DOCK3: variants seen among roughly 807,000 people sequenced by gnomAD.
The protein encoded by DOCK3 is dedicator of cytokinesis 3, also known as dedicator of cytokinesis protein 3.
Under a neutral mutation model 265.6 loss-of-function variants are expected in DOCK3, and 60 were observed. The ratio of observed to expected loss-of-function variants is 0.23; its 90% CI spans 0.18 to 0.28. The LOEUF (loss-of-function observed/expected upper bound fraction) is 0.28, where lower values mean the gene tolerates loss of function less well. DOCK3 is among the 10% of genes least tolerant of loss of function. DOCK3 has a pLI of 1.00. For missense variants in DOCK3, 1,981 were observed against 2,594.3 expected (o/e 0.76, Z 5.14); for synonymous variants, 881 against 938.0 (o/e 0.94, Z 1.11).
At chr3:51,027,998 G>A (rs994408288) in intron 5 of DOCK3, among the ~76,000 whole-genome samples, 7 of 152,046 alleles carry the variant, frequency 4.6e-5, no homozygotes, top group African/African-American at 7.2e-5. Context: ...TAGTTACTTT[G>A]TAGGCTGGAA....
intron 5 of DOCK3, among the ~76,000 whole-genome samples, chr3:51,013,719 A>G (rs2079041358): frequency 6.6e-6 from 1 of 152,110 alleles, no homozygotes. Flanking sequence ...TTAGACAGGG[A>G]CGTTTAAGTC....
intron 4 of DOCK3, among the ~76,000 whole-genome samples, chr3:50,921,543 T>C (rs900743646): frequency 2.0e-5 from 3 of 152,240 alleles, no homozygotes; most frequent in African/African-American, 7.2e-5. Context: ...GTCTCAAACC[T>C]TCTTCTCTCA....
intron 3 of DOCK3, among the ~76,000 whole-genome samples, chr3:50,850,308 G>T (rs987000493): frequency 1.3e-5 from 2 of 149,506 alleles, no homozygotes; most frequent in Non-Finnish European, 3.0e-5. Context: ...TGCAGTGAGC[G>T]AAGATTGTGC....
intron 28 of DOCK3, among the ~76,000 whole-genome samples, chr3:51,311,617 T>A (rs1408653137): frequency 2.0e-5 from 3 of 152,222 alleles, no homozygotes; most frequent in Non-Finnish European, 2.9e-5. Context: ...TAATATCTCT[T>A]GATTACCCAG....
chr3:51,350,199 C>A, intron 39 of DOCK3, 89 bp from the exon 40 acceptor site: 1 of 1,156,930 alleles, frequency 8.6e-7, no homozygotes, highest in Non-Finnish European at 1.2e-6. Flanking sequence ...TGATCCCTTT[C>A]CAGAAGACAG....
intron 31 of DOCK3, among the ~76,000 whole-genome samples, chr3:51,314,367 A>G (rs1307616922): frequency 6.6e-6 from 1 of 152,208 alleles, no homozygotes; most frequent in African/African-American, 2.4e-5. Flanking sequence ...AAGGGAGTTC[A>G]GGGTGGGTAA....
chr3:50,681,340 T>C (rs1271571531), intron 1 of DOCK3, among the ~76,000 whole-genome samples: 5 of 152,208 alleles, frequency 3.3e-5, no homozygotes, highest in Non-Finnish European at 5.9e-5. Context: ...TTTTAATTTT[T>C]AATAGTTTGT....
chr3:51,242,593 G>A (rs1463321579), intron 21 of DOCK3, among the ~76,000 whole-genome samples: 1 of 152,074 alleles, frequency 6.6e-6, no homozygotes, highest in East Asian at 1.9e-4. Flanking sequence ...ATGGCTCAGG[G>A]TTGGGACACT....
At chr3:51,188,478 A>G (rs992683406) in intron 12 of DOCK3, among the ~76,000 whole-genome samples, 3 of 152,312 alleles carry the variant, frequency 2.0e-5, no homozygotes, top group Non-Finnish European at 4.4e-5. Context: ...CGCAAGTACA[A>G]TACATTTTTG....
chr3:51,229,663 G>C, intron 19 of DOCK3, 54 bp downstream of exon 19: 1 of 1,341,856 alleles, frequency 7.5e-7, no homozygotes, highest in East Asian at 2.7e-5. Context: ...CTGGGCAGAA[G>C]ACCTTACTTT....
intron 5 of DOCK3, among the ~76,000 whole-genome samples, chr3:50,993,548 C>T (rs2078181218): frequency 6.6e-6 from 1 of 152,196 alleles, no homozygotes; most frequent in South Asian, 2.1e-4. Context: ...TTCTATCCTC[C>T]TCTGCACCCC....
intron 5 of DOCK3, among the ~76,000 whole-genome samples, chr3:51,039,477 C>T (rs974672504): frequency 8.5e-5 from 13 of 152,120 alleles, no homozygotes; most frequent in African/African-American, 2.9e-4. Flanking sequence ...CCAAATCACT[C>T]TCCAAATTAC....
chr3:51,240,606 C>T (rs757356028), intron 21 of DOCK3, among the ~76,000 whole-genome samples: 1 of 152,190 alleles, frequency 6.6e-6, no homozygotes, highest in Non-Finnish European at 1.5e-5. Flanking sequence ...CTTTATGAAT[C>T]TAGGTGCTCC....
chr3:51,373,735 G>A (rs866454249), intron 49 of DOCK3, among the ~76,000 whole-genome samples: 1 of 152,214 alleles, frequency 6.6e-6, no homozygotes, highest in African/African-American at 2.4e-5. Flanking sequence ...AAGAGCCTGA[G>A]TTAAAGCCCC....
intron 32 of DOCK3, among the ~76,000 whole-genome samples, chr3:51,326,812 A>G (rs2084158861): frequency 6.7e-6 from 1 of 150,208 alleles, no homozygotes; most frequent in East Asian, 2.0e-4. Flanking sequence ...TTTAGTAGAG[A>G]TGGGATTTCA....
chr3:50,686,044 G>A (rs1277209361), intron 1 of DOCK3, among the ~76,000 whole-genome samples: 3 of 152,062 alleles, frequency 2.0e-5, no homozygotes, highest in African/African-American at 7.2e-5. Flanking sequence ...TGATTCAAGT[G>A]CATTACATTT....
chr3:51,369,196 AC>A (rs1455471940), intron 49 of DOCK3, among the ~76,000 whole-genome samples: 1 of 152,264 alleles, frequency 6.6e-6, no homozygotes, highest in Non-Finnish European at 1.5e-5. Context: ...AATGACTTTG[AC>A]AAGTTGAGAG....
chr3:50,903,144 C>A (rs372631208), intron 4 of DOCK3, among the ~76,000 whole-genome samples: 1 of 152,142 alleles, frequency 6.6e-6, no homozygotes, highest in South Asian at 2.1e-4. Context: ...TCCTCTCTTC[C>A]TGTTTGAATA....
chr3:50,720,342 A>G (rs2037399362), intron 1 of DOCK3, among the ~76,000 whole-genome samples: 1 of 152,062 alleles, frequency 6.6e-6, no homozygotes, highest in African/African-American at 2.4e-5. Flanking sequence ...CTCTGTGTTC[A>G]TGTATACTCA....
Sources: gnomAD v4.1 joint callset for allele counts (sites outside exome capture counted in the v4.1 genomes callset) on GRCh38, gnomAD v4.1.1 for gene constraint, MANE v1.5 for transcripts, NCBI Gene and HGNC (gene_info 2026-07-23, HGNC 2026-07-21) for gene names.